The following PIAS2 variants were observed in gnomAD, a reference collection of about 807,000 sequenced individuals.
The protein encoded by PIAS2 is E3 SUMO-protein ligase PIAS2.
Under a neutral mutation model 69.7 loss-of-function variants are expected in PIAS2, and 19 were observed. The observed-to-expected ratio is 0.27, with a 90% CI of 0.19 to 0.40. The LOEUF (loss-of-function observed/expected upper bound fraction) is 0.40, where lower values mean the gene tolerates loss of function less well. Among genes scored for constraint, PIAS2 ranks in the 10% least tolerant of loss-of-function variants. The pLI is 1.00. For missense variants in PIAS2, 624 were observed against 757.0 expected (o/e 0.82, Z 2.06); for synonymous variants, 261 against 263.2 (o/e 0.99, Z 0.08).
At chr18:46,815,533 CT>C (rs1324663371) in intron 12 of PIAS2, 184 bp from the exon 13 acceptor site, 1 of 985,164 alleles carries the variant, frequency 1.0e-6, no homozygotes, top group East Asian at 1.1e-4. Flanking sequence ...TGAATATATT[CT>C]CTGATAAAAC....
chr18:46,824,801 G>C (rs1285302842), intron 11 of PIAS2, among the ~76,000 whole-genome samples: 1 of 149,334 alleles, frequency 6.7e-6, no homozygotes, highest in Non-Finnish European at 1.5e-5. Context: ...TCAGGAGTTC[G>C]AGACCAGCCT....
At chr18:46,857,481 G>T (rs2048011793) in intron 3 of PIAS2, among the ~76,000 whole-genome samples, 1 of 152,174 alleles carries the variant, frequency 6.6e-6, no homozygotes, top group African/African-American at 2.4e-5. Flanking sequence ...TACAGCAGTG[G>T]TTCTGCCTAC....
chr18:46,845,964 T>C (rs1362862880), intron 6 of PIAS2, among the ~76,000 whole-genome samples: 1 of 152,126 alleles, frequency 6.6e-6, no homozygotes, highest in African/African-American at 2.4e-5. Flanking sequence ...TCTCCATCCA[T>C]AAAACAGGAA....
At chr18:46,850,716 C>T (rs1175396492) in intron 5 of PIAS2, among the ~76,000 whole-genome samples, 1 of 152,114 alleles carries the variant, frequency 6.6e-6, no homozygotes, top group African/African-American at 2.4e-5. Flanking sequence ...CCATGAAGTT[C>T]CCCGTCAAGC....
intron 12 of PIAS2, chr18:46,816,046 G>C (rs2041491228): frequency 1.0e-6 from 1 of 983,730 alleles, no homozygotes; most frequent in African/African-American, 1.7e-5. Flanking sequence ...AAAATTTTTA[G>C]GTCTGAAAAG....
intron 12 of PIAS2, chr18:46,816,229 A>G (rs1169514300): frequency 1.0e-6 from 1 of 985,112 alleles, no homozygotes; most frequent in Non-Finnish European, 1.2e-6. Flanking sequence ...TATAACCACC[A>G]CACAGAGAAA....
rs1471171449 is a variant in PIAS2, at chr18:46,828,142, G to C, written c.1337-12C>G. ...GAGGACGCTTGAACCTGCATGTAAA[G>C]AAACAAAAGGAAAAAAAAATTAAAG... On this transcript the variant is annotated splice_polypyrimidine_tract_variant and intron_variant, in intron 10 of 13. Transcript: ENST00000585916. 6.4e-7 allele frequency: 1 copy of C among 1,571,810 alleles called. No individual in the cohort carries two copies. The highest frequency in any genetic ancestry group is 8.6e-7 in the Non-Finnish European group (1 of 1,162,518).
intron 1 of PIAS2, chr18:46,893,491 C>T: frequency 4.1e-6 from 4 of 981,532 alleles, no homozygotes; most frequent in Non-Finnish European, 4.8e-6. Flanking sequence ...CCAGTGATAA[C>T]ATTATTTGGC....
intron 1 of PIAS2, among the ~76,000 whole-genome samples, chr18:46,911,167 A>G (rs1457697443): frequency 6.6e-6 from 1 of 151,782 alleles, no homozygotes; most frequent in South Asian, 2.1e-4. Flanking sequence ...AATTTTAAAA[A>G]TAACTTCAAT....
At chr18:46,915,888 T>G (rs2146359557) in intron 1 of PIAS2, among the ~76,000 whole-genome samples, 1 of 152,190 alleles carries the variant, frequency 6.6e-6, no homozygotes, top group South Asian at 2.1e-4. Context: ...CAGAGTTCAG[T>G]CTTCTCAACC....
At chr18:46,900,210 A>C (rs1332906545) in intron 1 of PIAS2, among the ~76,000 whole-genome samples, 1 of 151,976 alleles carries the variant, frequency 6.6e-6, no homozygotes, top group East Asian at 1.9e-4. Context: ...ACAGAAAATA[A>C]AAAATTAGCT....
chr18:46,855,661 T>G (rs758620620), intron 3 of PIAS2, 46 bp from the exon 4 acceptor site: 2 of 1,417,698 alleles, frequency 1.4e-6, no homozygotes, highest in Non-Finnish European at 2.0e-6. Flanking sequence ...ACAATGAGAA[T>G]TCTCAGAACA....
At chr18:46,837,460 T>C (rs561006962) in intron 8 of PIAS2, among the ~76,000 whole-genome samples, 2 of 152,192 alleles carry the variant, frequency 1.3e-5, no homozygotes, top group Admixed American at 6.5e-5. Context: ...TCTTTTGTTA[T>C]CTATTTATAG....
At chr18:46,906,318 A>G (rs1179360787) in intron 1 of PIAS2, 1 of 151,964 alleles carries the variant, frequency 6.6e-6, no homozygotes, top group African/African-American at 2.4e-5. Flanking sequence ...TGGAGATCCT[A>G]GCCAGCACAT....
intron 2 of PIAS2, among the ~76,000 whole-genome samples, chr18:46,876,214 A>C (rs895061029): frequency 6.6e-6 from 1 of 152,186 alleles, no homozygotes. Flanking sequence ...TCATCAACCA[A>C]AAAGGATAAA....
At chr18:46,846,917 G>C (rs2046241822) in intron 5 of PIAS2, 76 bp from the exon 6 acceptor site, 1 of 1,257,216 alleles carries the variant, frequency 8.0e-7, no homozygotes, top group Admixed American at 2.8e-5. Context: ...ATAGATACAG[G>C]ATCCTGCCCA....
At chr18:46,904,412 T>C (rs186475390) in intron 1 of PIAS2, among the ~76,000 whole-genome samples, 1 of 151,980 alleles carries the variant, frequency 6.6e-6, no homozygotes, top group Admixed American at 6.6e-5. Flanking sequence ...AATGTAACGG[T>C]GAGGAGAAAT....
chr18:46,902,606 G>A (rs1274297824), intron 1 of PIAS2, among the ~76,000 whole-genome samples: 1 of 152,022 alleles, frequency 6.6e-6, no homozygotes, highest in East Asian at 1.9e-4. Context: ...ATTCTTCACG[G>A]ATTGGAAAAC....
intron 9 of PIAS2, among the ~76,000 whole-genome samples, chr18:46,831,876 T>C (rs56095591): frequency 0.058 from 8,836 of 152,246 alleles, 305 homozygotes; most frequent in Non-Finnish European, 0.081. Context: ...GAAAAAATAT[T>C]TGTGACCTTG....
Sources: allele counts gnomAD v4.1 joint callset (sites outside exome capture counted in the v4.1 genomes callset), GRCh38; gene constraint gnomAD v4.1.1; transcripts MANE v1.5; gene names NCBI Gene and HGNC (gene_info 2026-07-23, HGNC 2026-07-21).